The following LRRC8D variants were observed in gnomAD, a reference collection of about 807,000 sequenced individuals.
LRRC8D encodes volume-regulated anion channel subunit LRRC8D.
A neutral mutation model predicts 55.8 loss-of-function variants in LRRC8D; 20 were observed. That is an observed-to-expected ratio of 0.36 (90% CI 0.25 to 0.52). The LOEUF is 0.52. LRRC8D is among the 20% of genes least tolerant of loss of function. The pLI is 0.93. For synonymous variants in LRRC8D, 352 were observed against 377.0 expected (o/e 0.93, Z 0.77); for missense variants, 651 against 1,030.8 (o/e 0.63, Z 5.05).
At chr1:89,929,294 G>A (rs887747602) in intron 2 of LRRC8D, among the ~76,000 whole-genome samples, 2 of 152,196 alleles carry the variant, frequency 1.3e-5, no homozygotes, top group Admixed American at 1.3e-4. Context: ...CTAGTGAAGA[G>A]GAGTAGGGAG....
chr1:89,876,432 A>G lies in LRRC8D; in HGVS notation c.-3+32650A>G, dbSNP rs115538525. ...CTCTATTTTAAGCTTCTTAAAAACTACTGGGTTAGAGGATGTGCACTTCCC... is the reference window on the plus strand; with the variant it reads ...CTCTATTTTAAGCTTCTTAAAAACTGCTGGGTTAGAGGATGTGCACTTCCC... On this transcript the variant is annotated intron_variant, in intron 2 of 2. Transcript: ENST00000337338. Among the ~76,000 whole-genome samples, 803 of 152,282 alleles carry G rather than the reference A, an allele frequency of 5.3e-3. 6 individuals are homozygous for G. The highest frequency in any genetic ancestry group is 0.018 in the African/African-American group (751 of 41,568).
chr1:89,925,787 T>G (rs1377383380), intron 2 of LRRC8D, among the ~76,000 whole-genome samples: 3 of 152,226 alleles, frequency 2.0e-5, no homozygotes, highest in Non-Finnish European at 4.4e-5. Context: ...TATCCCCATT[T>G]TTGGTGGGTA....
intron 2 of LRRC8D, among the ~76,000 whole-genome samples, chr1:89,912,991 A>G (rs986385112): frequency 1.3e-5 from 2 of 152,224 alleles, no homozygotes; most frequent in African/African-American, 4.8e-5. Flanking sequence ...TCCTCCTTAC[A>G]GAACAGTCCA....
intron 2 of LRRC8D, among the ~76,000 whole-genome samples, chr1:89,918,790 T>A (rs1663341498): frequency 6.6e-6 from 1 of 152,250 alleles, no homozygotes; most frequent in Non-Finnish European, 1.5e-5. Context: ...GTTGCCCAGC[T>A]GGACATTGAA....
intron 2 of LRRC8D, among the ~76,000 whole-genome samples, chr1:89,924,807 T>A (rs1046099264): frequency 6.6e-6 from 1 of 152,022 alleles, no homozygotes; most frequent in Admixed American, 6.6e-5. Flanking sequence ...GGCATAGTAA[T>A]ACAGAAACAT....
In LRRC8D at chr1:89,833,321, G is replaced by A. The variant is rs138718373; in HGVS notation, c.-147-10317G>A. On this transcript the variant is annotated intron_variant, in intron 1 of 2. Coordinates refer to ENST00000337338, the MANE Select transcript of LRRC8D (RefSeq NM_001134479.2). ...GACTAAAGGATCTTCCTGGAACACCGTACTAAAACGCTGGACTGATCATTA... is the reference window on the plus strand; with the variant it reads ...GACTAAAGGATCTTCCTGGAACACCATACTAAAACGCTGGACTGATCATTA... Among the ~76,000 whole-genome samples the A allele has an allele frequency of 9.0e-4, 137 of 152,300 alleles. 2 individuals are homozygous for A. Among genetic ancestry groups the A allele is most frequent in the African/African-American group, 3.0e-3 (126 of 41,550 alleles).
intron 2 of LRRC8D, among the ~76,000 whole-genome samples, chr1:89,880,529 C>T (rs1303547700): frequency 2.0e-5 from 3 of 151,368 alleles, no homozygotes; most frequent in African/African-American, 7.3e-5. Flanking sequence ...GTTCATTATC[C>T]ATAACATGAG....
chr1:89,924,263 A>G (rs1318802683), intron 2 of LRRC8D, among the ~76,000 whole-genome samples: 1 of 152,246 alleles, frequency 6.6e-6, no homozygotes, highest in Admixed American at 6.5e-5. Flanking sequence ...GGCAAAGGAC[A>G]TGAACAAACA....
Position 89,895,577 on chromosome 1 carries a change from A to G in LRRC8D, c.-2-37490A>G, listed in dbSNP as rs72965699. Among the ~76,000 whole-genome samples the G allele has an allele frequency of 9.3e-3, 1,411 of 152,202 alleles. 13 individuals are homozygous for G. Among genetic ancestry groups the G allele is most frequent in the African/African-American group, 0.032 (1,348 of 41,528 alleles). ...TTTGTTTTTTTACTTTTAATTTTCT[A>G]TGTGAACAAATTTGACATGTACTTT... On this transcript the variant is annotated intron_variant, in intron 2 of 2. Coordinates refer to ENST00000337338, the MANE Select transcript of LRRC8D (RefSeq NM_001134479.2).
At chr1:89,855,771 A>C (rs1661538104) in intron 2 of LRRC8D, among the ~76,000 whole-genome samples, 1 of 152,214 alleles carries the variant, frequency 6.6e-6, no homozygotes, top group Admixed American at 6.5e-5. Flanking sequence ...CTTAAACTGA[A>C]AGTTAAAACA....
chr1:89,861,949 A>G (rs1039080504), intron 2 of LRRC8D, among the ~76,000 whole-genome samples: 1 of 152,220 alleles, frequency 6.6e-6, no homozygotes, highest in South Asian at 2.1e-4. Flanking sequence ...AACATGTAAC[A>G]TAACTTTGGG....
intron 1 of LRRC8D, among the ~76,000 whole-genome samples, chr1:89,830,234 TTAAC>T (rs1282118435): frequency 2.0e-5 from 3 of 152,216 alleles, no homozygotes; most frequent in East Asian, 3.8e-4. Context: ...AAGTTTTACT[TTAAC>T]TATTGAATTA....
intron 2 of LRRC8D, among the ~76,000 whole-genome samples, chr1:89,884,488 T>A (rs1662364361): frequency 6.6e-6 from 1 of 152,252 alleles, no homozygotes; most frequent in South Asian, 2.1e-4. Context: ...ATTGAATATT[T>A]AGGGGCATGC....
intron 2 of LRRC8D, among the ~76,000 whole-genome samples, chr1:89,858,941 T>C (rs991119255): frequency 6.6e-6 from 1 of 152,302 alleles, no homozygotes; most frequent in African/African-American, 2.4e-5. Context: ...TAGAAAACTT[T>C]ACAAAATAAA....
chr1:89,851,787 G>C (rs11584581), intron 2 of LRRC8D, among the ~76,000 whole-genome samples: 1 of 151,938 alleles, frequency 6.6e-6, no homozygotes, highest in African/African-American at 2.4e-5. Flanking sequence ...TAGGATTACA[G>C]GCATGAGCCA....
intron 1 of LRRC8D, among the ~76,000 whole-genome samples, chr1:89,822,966 A>G (rs1444122103): frequency 6.6e-6 from 1 of 152,182 alleles, no homozygotes; most frequent in Non-Finnish European, 1.5e-5. Flanking sequence ...GGGTCACGAA[A>G]AGTTGATTTG....
chr1:89,864,056 G>A (rs1661785304), intron 2 of LRRC8D, among the ~76,000 whole-genome samples: 1 of 152,152 alleles, frequency 6.6e-6, no homozygotes, highest in African/African-American at 2.4e-5. Flanking sequence ...TTGAGCTCTT[G>A]CCCCATTGTC....
intron 2 of LRRC8D, among the ~76,000 whole-genome samples, chr1:89,909,865 CAAAA>C (rs199845267): frequency 5.3e-5 from 5 of 93,864 alleles, no homozygotes; most frequent in Admixed American, 1.2e-4. Flanking sequence ...GACTCCGTCT[CAAAA>C]AAAAAAAAAA....
intron 2 of LRRC8D, among the ~76,000 whole-genome samples, chr1:89,930,081 A>G (rs1306807349): frequency 2.6e-5 from 4 of 151,892 alleles, no homozygotes; most frequent in African/African-American, 9.7e-5. Context: ...TCTCCCCCCA[A>G]CCCCCATTTC....
Sources: allele counts gnomAD v4.1 joint callset (sites outside exome capture counted in the v4.1 genomes callset), GRCh38; gene constraint gnomAD v4.1.1; transcripts MANE v1.5; gene names NCBI Gene and HGNC (gene_info 2026-07-23, HGNC 2026-07-21).